The following ZMYM4 variants were observed in gnomAD, a reference collection of about 807,000 sequenced individuals.
ZMYM4 encodes zinc finger MYM-type containing 4, also known as zinc finger MYM-type protein 4.
ZMYM4 carries 31 observed loss-of-function variants against 183.2 expected under a neutral mutation model. The observed-to-expected ratio is 0.17, with a 90% CI of 0.13 to 0.23. The LOEUF is 0.23. ZMYM4 is among the 10% of genes least tolerant of loss of function. The pLI is 1.00. For synonymous variants in ZMYM4, 592 were observed against 631.2 expected (o/e 0.94, Z 0.93); for missense variants, 1,273 against 1,840.3 (o/e 0.69, Z 5.64).
At chr1:35,402,531 T>C (rs185209266) in intron 23 of ZMYM4, among the ~76,000 whole-genome samples, 29 of 152,112 alleles carry the variant, frequency 1.9e-4, no homozygotes, top group African/African-American at 6.5e-4. Flanking sequence ...CTGGGAGAAT[T>C]GCTTGAGCCT....
At chr1:35,417,840 T>C (rs1370203777) in intron 28 of ZMYM4, among the ~76,000 whole-genome samples, 1 of 151,984 alleles carries the variant, frequency 6.6e-6, no homozygotes, top group Non-Finnish European at 1.5e-5. Flanking sequence ...TGAAAACCTG[T>C]CTCTACTAAA....
chr1:35,361,906 T>A, intron 5 of ZMYM4, 117 bp downstream of exon 5: 1 of 1,357,104 alleles, frequency 7.4e-7, no homozygotes, highest in Non-Finnish European at 9.9e-7. Context: ...AGGAAACTCT[T>A]AAAGAAGGTT....
chr1:35,349,882 T>C (rs942639280), intron 2 of ZMYM4, among the ~76,000 whole-genome samples: 2 of 151,674 alleles, frequency 1.3e-5, no homozygotes, highest in African/African-American at 2.4e-5. Flanking sequence ...TAACTTAAGC[T>C]TTTATTTAAA....
intron 15 of ZMYM4, among the ~76,000 whole-genome samples, chr1:35,390,347 C>T (rs1259286943): frequency 6.6e-6 from 1 of 151,722 alleles, no homozygotes; most frequent in Non-Finnish European, 1.5e-5. Context: ...TGCAGGCGGT[C>T]TGAGTCTGAA....
At chr1:35,363,006 A>G (rs1643978977) in intron 5 of ZMYM4, among the ~76,000 whole-genome samples, 2 of 152,202 alleles carry the variant, frequency 1.3e-5, no homozygotes, top group Non-Finnish European at 1.5e-5. Flanking sequence ...TCCCATCTCT[A>G]CTAAAAATAC....
chr1:35,322,491 T>C (rs1196686840), intron 1 of ZMYM4, among the ~76,000 whole-genome samples: 1 of 152,154 alleles, frequency 6.6e-6, no homozygotes, highest in East Asian at 1.9e-4. Context: ...GATCCAAATT[T>C]TTTCACCTTA....
chr1:35,287,234 T>A (rs1640547203), intron 1 of ZMYM4, among the ~76,000 whole-genome samples: 1 of 150,974 alleles, frequency 6.6e-6, no homozygotes, highest in Non-Finnish European at 1.5e-5. Context: ...TTTTTTTTTT[T>A]ACTTAGTATT....
At chr1:35,281,335 T>C (rs1262898951) in intron 1 of ZMYM4, among the ~76,000 whole-genome samples, 2 of 150,640 alleles carry the variant, frequency 1.3e-5, no homozygotes, top group African/African-American at 4.9e-5. Context: ...AAAATGTACA[T>C]AACAAAGTGC....
At position 35,320,620 on chromosome 1, in the gene ZMYM4, A is replaced by G. The variant is rs1277244165; in HGVS notation, c.40-4740A>G. 3.3e-5 allele frequency among the ~76,000 whole-genome samples: 5 copies of G among 152,164 alleles called. 1 individual carries two copies. The East Asian group carries it at 9.6e-4, about 29-fold the overall frequency. On this transcript the variant is annotated intron_variant, in intron 1 of 29. Coordinates refer to ENST00000314607, the MANE Select transcript of ZMYM4 (RefSeq NM_005095.3). ...GTCAAGTCACAGCCTGGGGCTTGTG[A>G]TTGGTATCTGAAGTGGGAGGCAGCC...
intron 1 of ZMYM4, among the ~76,000 whole-genome samples, chr1:35,294,627 C>A (rs745349663): frequency 5.3e-5 from 8 of 152,112 alleles, no homozygotes; most frequent in Non-Finnish European, 1.2e-4. Flanking sequence ...TTTGGATGGT[C>A]TACTGGCCAT....
chr1:35,410,485 A>T (rs1639839953), intron 26 of ZMYM4, among the ~76,000 whole-genome samples: 1 of 150,778 alleles, frequency 6.6e-6, no homozygotes, highest in Non-Finnish European at 1.5e-5. Flanking sequence ...TCTGTTTATT[A>T]ATTAATTTAT....
intron 1 of ZMYM4, among the ~76,000 whole-genome samples, chr1:35,293,463 C>T (rs1056849721): frequency 4.6e-5 from 7 of 151,868 alleles, no homozygotes; most frequent in African/African-American, 1.5e-4. Context: ...ACAGGCAATG[C>T]GCCACCACAC....
chr1:35,381,252 T>C lies in ZMYM4; in HGVS notation c.1182-7T>C. ...CATGGCTTATGTTATTTTTTTCTTA[T>C]TTTTAGAGACATTTTAAATCCAAAG... On this transcript the variant is annotated splice_region_variant and splice_polypyrimidine_tract_variant and intron_variant, in intron 7 of 29. Coordinates refer to ENST00000314607, the MANE Select transcript of ZMYM4 (RefSeq NM_005095.3). 2 of 1,566,270 alleles carry C rather than the reference T, an allele frequency of 1.3e-6. No individual in the cohort carries two copies. Among genetic ancestry groups the C allele is most frequent in the Non-Finnish European group, 1.7e-6 (2 of 1,158,736 alleles).
intron 5 of ZMYM4, among the ~76,000 whole-genome samples, chr1:35,362,109 A>G (rs1472865799): frequency 6.6e-6 from 1 of 152,230 alleles, no homozygotes; most frequent in Non-Finnish European, 1.5e-5. Flanking sequence ...TTGTGGTGCA[A>G]TCAAGTTTAT....
At chr1:35,287,402 T>C (rs1045096009) in intron 1 of ZMYM4, among the ~76,000 whole-genome samples, 3 of 151,796 alleles carry the variant, frequency 2.0e-5, no homozygotes, top group African/African-American at 7.3e-5. Context: ...GTACATTATG[T>C]GATTTCCATT....
At position 35,269,077 on chromosome 1, in the gene ZMYM4, C is replaced by T. The variant is rs1348434445; in HGVS notation, c.31C>T (p.Arg11Ter). MAEREVESGP[R>*]KRFEQKSGAV... is the part of the protein sequence containing the mutation. ...GGAGAGAGAGGTGGAGTCCGGCCCC[C>T]GAAAGAGGGTAGGTGAGGTGAGGCA... The change falls in exon 1 of 30, where the codon CGA becomes TGA. Residue 11 changes from arginine to a stop codon, truncating the protein, a stop_gained. Transcript: ENST00000314607. LOFTEE classifies it high-confidence loss of function. The T allele has an allele frequency of 6.5e-7, 1 of 1,549,084 alleles. No individual in the cohort carries two copies. Among genetic ancestry groups the T allele is most frequent in the South Asian group, 1.2e-5 (1 of 83,948 alleles).
chr1:35,286,621 C>A lies in ZMYM4; in HGVS notation c.39+17536C>A, dbSNP rs1640500910. On this transcript the variant is annotated intron_variant, in intron 1 of 29. Coordinates refer to ENST00000314607, the MANE Select transcript of ZMYM4 (RefSeq NM_005095.3). Reference sequence around the variant, plus strand: ...TTTTTTTTTTTTTTTTTTTAAGAGACAGGATCGTACTCTGTTGCCCAGGTT... The same window carrying A: ...TTTTTTTTTTTTTTTTTTTAAGAGAAAGGATCGTACTCTGTTGCCCAGGTT... 4.3e-5 allele frequency among the ~76,000 whole-genome samples: 6 copies of A among 140,026 alleles called. No individual in the cohort carries two copies. The South Asian group carries it at 1.4e-3, about 32-fold the overall frequency. The allele number at this position is 140,026 out of a possible 152,430, so 91.9% of individuals were successfully genotyped here. A position where few individuals can be genotyped will look rare whatever the true frequency, so the allele number is the denominator to read the frequency against.
At chr1:35,271,979 A>G (rs1177034791) in intron 1 of ZMYM4, among the ~76,000 whole-genome samples, 1 of 152,234 alleles carries the variant, frequency 6.6e-6, no homozygotes, top group African/African-American at 2.4e-5. Context: ...AAGTAAAAAT[A>G]ATACATAAAT....
intron 1 of ZMYM4, among the ~76,000 whole-genome samples, chr1:35,314,292 CT>C (rs1220406102): frequency 4.0e-5 from 6 of 148,432 alleles, no homozygotes; most frequent in Admixed American, 2.0e-4. Context: ...ATAGTTTACT[CT>C]TTTTTTTTTG....
Sources: gnomAD v4.1 joint callset for allele counts (sites outside exome capture counted in the v4.1 genomes callset) on GRCh38, gnomAD v4.1.1 for gene constraint, MANE v1.5 for transcripts, NCBI Gene and HGNC (gene_info 2026-07-23, HGNC 2026-07-21) for gene names.